Variants in TMEM266 observed in about 807,000 individuals in gnomAD.
TMEM266 encodes the protein Hv1 related protein 1.
In TMEM266, 33 loss-of-function variants were observed where a neutral mutation model predicts 50.5. The ratio of observed to expected loss-of-function variants is 0.65; its 90% CI spans 0.50 to 0.87. The LOEUF (loss-of-function observed/expected upper bound fraction) is 0.87. Among genes scored for constraint, TMEM266 ranks in the 40% least tolerant of loss-of-function variants. The probability of loss-of-function intolerance (pLI) is 0.00; values close to 1 mark genes in which losing one functional copy is unlikely to be tolerated. For missense variants in TMEM266, 655 were observed against 695.1 expected (o/e 0.94, Z 0.65); for synonymous variants, 310 against 292.3 (o/e 1.06, Z -0.62).
At chr15:76,169,933 C>A in intron 6 of TMEM266, 61 bp downstream of exon 6, 1 of 1,543,650 alleles carries the variant, frequency 6.5e-7, no homozygotes, top group South Asian at 1.1e-5. Flanking sequence ...TGGAAAACGT[C>A]ATGTCCCATC....
At chr15:76,143,995 G>A (rs1403396896) in intron 3 of TMEM266, among the ~76,000 whole-genome samples, 1 of 151,980 alleles carries the variant, frequency 6.6e-6, no homozygotes, top group Admixed American at 6.6e-5. Context: ...CTATTCTTCT[G>A]CCTCTGAGTT....
At chr15:76,152,295 G>A (rs1707331446) in intron 3 of TMEM266, among the ~76,000 whole-genome samples, 1 of 152,238 alleles carries the variant, frequency 6.6e-6, no homozygotes, top group Admixed American at 6.5e-5. Flanking sequence ...CTCCCAGACT[G>A]GCACAGTGGA....
chr15:76,107,436 C>T (rs770108101), intron 1 of TMEM266, among the ~76,000 whole-genome samples: 2 of 152,128 alleles, frequency 1.3e-5, no homozygotes, highest in Non-Finnish European at 2.9e-5. Flanking sequence ...TGGGAGGTGC[C>T]TTACACTTAC....
At position 76,160,675 on chromosome 15, in the gene TMEM266, G is replaced by A. The variant is rs930241418; in HGVS notation, c.456+507G>A. On this transcript the variant is annotated intron_variant, in intron 5 of 10. Coordinates refer to ENST00000388942, the MANE Select transcript of TMEM266 (RefSeq NM_152335.3). This position sits in a 1 kb window ranked among gnomAD's most constrained non-coding sequence, Gnocchi z 5.7. The stretch of plus-strand genomic sequence containing the variant: ...GTGGACCTGACCTGGTCCTGCAGGG[G>A]CCCTGGGTCTGACAGGGCCGAAAGA... Among the ~76,000 whole-genome samples the A allele has an allele frequency of 6.6e-6, 1 of 152,202 alleles. No individual in the cohort carries two copies. The highest frequency in any genetic ancestry group is 1.5e-5 in the Non-Finnish European group (1 of 68,044).
chr15:76,145,600 G>A (rs1255961206), intron 3 of TMEM266, among the ~76,000 whole-genome samples: 1 of 152,244 alleles, frequency 6.6e-6, no homozygotes, highest in African/African-American at 2.4e-5. Flanking sequence ...ATTTCCCAGA[G>A]TACATTACTG....
At chr15:76,069,114 A>C (rs2036492747) in intron 1 of TMEM266, among the ~76,000 whole-genome samples, 1 of 152,190 alleles carries the variant, frequency 6.6e-6, no homozygotes. Flanking sequence ...AGCAGAAAAA[A>C]GATAGTTTAA....
chr15:76,120,758 CAAAAAA>C (rs60694791), intron 1 of TMEM266, among the ~76,000 whole-genome samples: 1 of 57,950 alleles, frequency 1.7e-5, no homozygotes, highest in Non-Finnish European at 3.4e-5. Context: ...AAGACTGTCT[CAAAAAA>C]AAAAAAAAAA....
At chr15:76,097,583 CTCT>C (rs1485354254) in intron 1 of TMEM266, among the ~76,000 whole-genome samples, 1 of 151,812 alleles carries the variant, frequency 6.6e-6, no homozygotes, top group Non-Finnish European at 1.5e-5. Context: ...CTTGGGGTTG[CTCT>C]TCTTGAGGAG....
At chr15:76,130,663 T>C (rs2037496593) in intron 1 of TMEM266, among the ~76,000 whole-genome samples, 1 of 152,248 alleles carries the variant, frequency 6.6e-6, no homozygotes, top group African/African-American at 2.4e-5. Flanking sequence ...GCATCTAGGA[T>C]TTATTCCAAA....
intron 2 of TMEM266, among the ~76,000 whole-genome samples, chr15:76,136,974 C>T (rs555025477): frequency 1.6e-4 from 25 of 152,286 alleles, no homozygotes; most frequent in African/African-American, 5.3e-4. Context: ...CCGGGAATGC[C>T]ACTGGAGTGG....
At chr15:76,155,067 A>T (rs545567971) in intron 3 of TMEM266, among the ~76,000 whole-genome samples, 63 of 152,260 alleles carry the variant, frequency 4.1e-4, no homozygotes, top group African/African-American at 1.3e-3. Flanking sequence ...CCCTCATTTA[A>T]CTTTAGTGAC....
At chr15:76,113,457 T>C (rs1252850974) in intron 1 of TMEM266, 1 of 152,332 alleles carries the variant, frequency 6.6e-6, no homozygotes, top group Non-Finnish European at 1.5e-5. Flanking sequence ...GGATAAGGAA[T>C]GGCTTAAAAG....
intron 1 of TMEM266, among the ~76,000 whole-genome samples, chr15:76,069,952 A>G (rs2036511798): frequency 6.6e-6 from 1 of 152,192 alleles, no homozygotes; most frequent in African/African-American, 2.4e-5. Context: ...ATATTATACA[A>G]CCTTTATTGC....
intron 9 of TMEM266, 56 bp from the exon 10 acceptor site, chr15:76,202,146 T>C: frequency 6.8e-7 from 1 of 1,473,986 alleles, no homozygotes; most frequent in Non-Finnish European, 9.4e-7. Context: ...GACAGGAGTA[T>C]AAGGGGTAGA....
intron 1 of TMEM266, chr15:76,112,207 T>C (rs142592255): frequency 2.6e-4 from 39 of 152,322 alleles, no homozygotes; most frequent in Middle Eastern, 3.4e-3. Flanking sequence ...TGTATGATAC[T>C]CTTAATGGTG....
At chr15:76,061,489 C>T (rs912730722) in intron 1 of TMEM266, among the ~76,000 whole-genome samples, 2 of 152,184 alleles carry the variant, frequency 1.3e-5, no homozygotes, top group Non-Finnish European at 2.9e-5. Flanking sequence ...GCTTTTCCTC[C>T]AGGTGCGGCT....
intron 1 of TMEM266, among the ~76,000 whole-genome samples, chr15:76,105,987 C>T (rs578237206): frequency 5.3e-5 from 8 of 152,288 alleles, no homozygotes; most frequent in South Asian, 4.1e-4. Flanking sequence ...GGTGGCCTCA[C>T]GTTCTACTGT....
intron 1 of TMEM266, among the ~76,000 whole-genome samples, chr15:76,069,893 G>A (rs1169343793): frequency 1.3e-5 from 2 of 151,688 alleles, no homozygotes; most frequent in East Asian, 1.9e-4. Context: ...ATAAGATATT[G>A]TACAACTGTA....
At chr15:76,143,772 A>G (rs1348755910) in intron 3 of TMEM266, among the ~76,000 whole-genome samples, 1 of 152,068 alleles carries the variant, frequency 6.6e-6, no homozygotes, top group African/African-American at 2.4e-5. Flanking sequence ...GCCTTTGGCC[A>G]TTTTCACTCT....
Sources: gnomAD v4.1 joint callset for allele counts (sites outside exome capture counted in the v4.1 genomes callset) on GRCh38, gnomAD v4.1.1 for gene constraint, Gnocchi (gnomAD v3.1) non-coding constraint, MANE v1.5 for transcripts, NCBI Gene and HGNC (gene_info 2026-07-23, HGNC 2026-07-21) for gene names.